CSMD1: variants seen among roughly 807,000 people sequenced by gnomAD.
CSMD1 encodes CUB and Sushi multiple domains 1, also known as CUB and sushi domain-containing protein 1.
CSMD1 carries 213 observed loss-of-function variants against 417.5 expected under a neutral mutation model. The observed-to-expected ratio is 0.51, with a 90% CI of 0.46 to 0.57. CSMD1 has a LOEUF of 0.57. Ranked by LOEUF, CSMD1 falls within the 20% of genes least tolerant of loss-of-function variation. The pLI is 0.00. For missense variants in CSMD1, 6,923 were observed against 4,529.7 expected, an observed-to-expected ratio of 1.53 and a Z score of -15.17; for synonymous variants, 2,862 against 1,736.8, an observed-to-expected ratio of 1.65 and a Z score of -16.11.
chr8:3,849,852 G>C (rs1803772935), intron 5 of CSMD1, among the ~76,000 whole-genome samples: 1 of 152,006 alleles, frequency 6.6e-6, no homozygotes, highest in South Asian at 2.1e-4. Context: ...GTCTCGCTCT[G>C]TCGCCCAGGC....
intron 8 of CSMD1, among the ~76,000 whole-genome samples, chr8:3,603,215 G>A (rs989066299): frequency 7.9e-5 from 12 of 152,112 alleles, no homozygotes; most frequent in Admixed American, 3.9e-4. Context: ...AGTAATCATC[G>A]GCAAATATTT....
intron 1 of CSMD1, among the ~76,000 whole-genome samples, chr8:4,839,794 C>A (rs1010854188): frequency 6.6e-6 from 1 of 152,218 alleles, no homozygotes; most frequent in Non-Finnish European, 1.5e-5. Flanking sequence ...CAGATTTAGA[C>A]CTTTTGAATT....
chr8:4,673,154 G>T (rs374303979), intron 1 of CSMD1, among the ~76,000 whole-genome samples: 6 of 151,978 alleles, frequency 3.9e-5, no homozygotes, highest in African/African-American at 1.5e-4. Flanking sequence ...GGGGAAAAAG[G>T]GATTCTATGG....
At chr8:3,540,156 G>A (rs575593858) in intron 10 of CSMD1, among the ~76,000 whole-genome samples, 11 of 152,206 alleles carry the variant, frequency 7.2e-5, no homozygotes, top group African/African-American at 2.2e-4. Context: ...ACTGAACTGA[G>A]TGTAACACAG....
chr8:3,847,888 A>G (rs979951283), intron 5 of CSMD1, among the ~76,000 whole-genome samples: 6 of 151,988 alleles, frequency 3.9e-5, no homozygotes, highest in African/African-American at 7.3e-5. Flanking sequence ...TGACTTTTCA[A>G]CTCTATCCGT....
intron 2 of CSMD1, among the ~76,000 whole-genome samples, chr8:4,467,308 A>C (rs1358511293): frequency 1.3e-5 from 2 of 152,134 alleles, no homozygotes; most frequent in African/African-American, 2.4e-5. Context: ...AGGAGGAGTC[A>C]CTATACAGAT....
At chr8:4,073,554 T>A (rs1799669838) in intron 3 of CSMD1, among the ~76,000 whole-genome samples, 1 of 152,156 alleles carries the variant, frequency 6.6e-6, no homozygotes, top group Non-Finnish European at 1.5e-5. Flanking sequence ...AAAATAACCA[T>A]GCTATTAATC....
intron 10 of CSMD1, among the ~76,000 whole-genome samples, chr8:3,525,485 C>G (rs1281354460): frequency 6.6e-6 from 1 of 152,150 alleles, no homozygotes; most frequent in African/African-American, 2.4e-5. Flanking sequence ...AAGAGCTATC[C>G]TCCGTGATAA....
intron 7 of CSMD1, among the ~76,000 whole-genome samples, chr8:3,631,553 G>A (rs755954778): frequency 1.8e-4 from 28 of 152,330 alleles, no homozygotes; most frequent in Non-Finnish European, 3.5e-4. Context: ...AGAAAGGTTT[G>A]CAAACAGTTT....
chr8:4,556,512 G>A (rs750069569), intron 2 of CSMD1, among the ~76,000 whole-genome samples: 30 of 152,028 alleles, frequency 2.0e-4, no homozygotes, highest in Admixed American at 9.8e-4. Context: ...CCGAATAATC[G>A]AATTATCTCT....
intron 3 of CSMD1, among the ~76,000 whole-genome samples, chr8:4,319,390 G>A (rs1040898208): frequency 2.6e-5 from 4 of 151,876 alleles, no homozygotes; most frequent in African/African-American, 9.7e-5. Flanking sequence ...TGAGCCTCTG[G>A]GGCCCATAAT....
intron 53 of CSMD1, among the ~76,000 whole-genome samples, chr8:2,998,422 C>T (rs545123991): frequency 5.3e-5 from 8 of 152,166 alleles, no homozygotes; most frequent in Non-Finnish European, 1.0e-4. Flanking sequence ...GCCAAACACG[C>T]TTTCTTTACC....
At chr8:4,877,136 T>C (rs1018438730) in intron 1 of CSMD1, among the ~76,000 whole-genome samples, 2 of 152,080 alleles carry the variant, frequency 1.3e-5, no homozygotes, top group African/African-American at 4.8e-5. Context: ...TTTATCATGC[T>C]CTTTTTCATG....
intron 2 of CSMD1, among the ~76,000 whole-genome samples, chr8:4,460,492 T>C (rs1025907549): frequency 6.6e-6 from 1 of 151,992 alleles, no homozygotes. Flanking sequence ...TAATCAAGTA[T>C]ACAATAGAAA....
intron 1 of CSMD1, among the ~76,000 whole-genome samples, chr8:4,648,566 T>C (rs557721466): frequency 6.6e-6 from 1 of 152,298 alleles, no homozygotes; most frequent in South Asian, 2.1e-4. Context: ...GTTTAGTGTC[T>C]ATCTGCACAA....
At chr8:4,634,847 C>G (rs1022914791) in intron 2 of CSMD1, among the ~76,000 whole-genome samples, 1 of 152,124 alleles carries the variant, frequency 6.6e-6, no homozygotes, top group Non-Finnish European at 1.5e-5. Context: ...TTTCACATCT[C>G]TATTTATTTC....
intron 3 of CSMD1, among the ~76,000 whole-genome samples, chr8:4,214,347 G>C (rs939202074): frequency 6.6e-6 from 1 of 152,164 alleles, no homozygotes; most frequent in African/African-American, 2.4e-5. Flanking sequence ...ACTGAGGCTG[G>C]AGTGCAGTGG....
At chr8:4,737,102 A>G (rs73497834) in intron 1 of CSMD1, among the ~76,000 whole-genome samples, 14,734 of 152,238 alleles carry the variant, frequency 0.097, 2,328 homozygotes, top group African/African-American at 0.33. Flanking sequence ...CATCAATGAT[A>G]GACTGAATAA....
intron 6 of CSMD1, among the ~76,000 whole-genome samples, chr8:3,736,372 G>C (rs971569198): frequency 6.6e-6 from 1 of 151,838 alleles, no homozygotes. Flanking sequence ...CTTCCAAGAA[G>C]CTGAGACACA....
Sources: gnomAD v4.1 joint callset for allele counts (sites outside exome capture counted in the v4.1 genomes callset) on GRCh38, gnomAD v4.1.1 for gene constraint, MANE v1.5 for transcripts, NCBI Gene and HGNC (gene_info 2026-07-23, HGNC 2026-07-21) for gene names.